The following PC variants were observed in gnomAD, a reference collection of about 807,000 sequenced individuals.
PC encodes the protein pyruvate carboxylase, mitochondrial.
PC carries 46 observed loss-of-function variants against 107.8 expected under a neutral mutation model. That is an observed-to-expected ratio of 0.43 (90% CI 0.34 to 0.55). The LOEUF (loss-of-function observed/expected upper bound fraction) is 0.55, where lower values mean the gene tolerates loss of function less well. Among genes scored for constraint, PC ranks in the 20% least tolerant of loss-of-function variants. The pLI is 0.04. For synonymous variants in PC, 662 were observed against 684.7 expected (o/e 0.97, Z 0.52); for missense variants, 1,241 against 1,643.1 (o/e 0.76, Z 4.23).
rs926210262 is a variant in PC, at chr11:66,851,073, C to G, written c.2190G>C (p.Leu730=). 2.5e-6 allele frequency: 4 copies of G among 1,613,098 alleles called. No individual in the cohort carries two copies. The highest frequency in any genetic ancestry group is 3.4e-6 in the Non-Finnish European group (4 of 1,180,026). Residue 730 remains leucine (L), a synonymous_variant, in exon 17 of 23, where the codon CTG becomes CTC. Transcript: ENST00000393960. ...LQYYMGLAEE[L]VRAGTHILCI... ...ACAGGATGTGGGTGCCAGCTCGCACCAGCTCTTCGGCCAAGCCCATGTAGT... is the reference window on the plus strand; with the variant it reads ...ACAGGATGTGGGTGCCAGCTCGCACGAGCTCTTCGGCCAAGCCCATGTAGT...
chr11:66,871,759 G>A lies in PC; in HGVS notation c.249C>T (p.Ala83=). The part of the protein sequence containing the change: ...GQMHRQKADE[A]YLIGRGLAPV... Reference sequence around the variant, plus strand: ...GGGCCAGGCCGCGGCCGATGAGATAGGCTTCATCTGCTTTCTGCCGGTGCA... The same window carrying A: ...GGGCCAGGCCGCGGCCGATGAGATAAGCTTCATCTGCTTTCTGCCGGTGCA... The change falls in exon 5 of 23, where the codon GCC becomes GCT. Residue 83 remains alanine (A), a synonymous_variant. Transcript: ENST00000393960. This position sits in a 1 kb window ranked among gnomAD's most constrained non-coding sequence, Gnocchi z 7.4. The A allele has an allele frequency of 1.3e-6, 2 of 1,598,010 alleles. No homozygotes were observed. Among genetic ancestry groups the A allele is most frequent in the Non-Finnish European group, 1.7e-6 (2 of 1,172,920 alleles).
Position 66,857,694 on chromosome 11 carries a change from G to C in PC, c.1369-4311C>G, listed in dbSNP as rs756810881. The C allele has an allele frequency of 2.0e-6, 3 of 1,535,242 alleles. No homozygotes were observed. Among genetic ancestry groups the C allele is most frequent in the South Asian group, 2.4e-5 (2 of 82,434 alleles). On this transcript the variant is annotated intron_variant, in intron 12 of 22. Transcript: ENST00000393960. The surrounding 1 kb of genome is among the most constrained non-coding windows in gnomAD (Gnocchi z 7.1). The stretch of plus-strand genomic sequence containing the variant: ...GTCCTGGGCCCAAGTGGGCACCTGC[G>C]CCAGCCCCACCTGTGCCTGGGCTGT...
At chr11:66,879,362 A>G (rs1947103835) in intron 3 of PC, among the ~76,000 whole-genome samples, 1 of 152,214 alleles carries the variant, frequency 6.6e-6, no homozygotes, top group East Asian at 1.9e-4. Flanking sequence ...TGCTTTTGCC[A>G]ATGCAGAAAC....
At chr11:66,952,740 T>C (rs907544037) in intron 2 of PC, among the ~76,000 whole-genome samples, 1 of 152,098 alleles carries the variant, frequency 6.6e-6, no homozygotes, top group Non-Finnish European at 1.5e-5. Flanking sequence ...TGGGGGTTTC[T>C]CCATGTTGGT....
chr11:66,857,426 T>C lies in PC; in HGVS notation c.1369-4043A>G. 3.2e-6 allele frequency: 1 copy of C among 308,462 alleles called. No individual in the cohort carries two copies. The highest frequency in any genetic ancestry group is 5.9e-6 in the Non-Finnish European group (1 of 168,084). 19.1% of individuals were successfully genotyped at this position (308,462 alleles called of 1,614,324 possible). On this transcript the variant is annotated intron_variant, in intron 12 of 22. Coordinates refer to ENST00000393960, the MANE Select transcript of PC (RefSeq NM_001040716.2). This position sits in a 1 kb window ranked among gnomAD's most constrained non-coding sequence, Gnocchi z 7.1. ...GAGTGGGGAGGCGGCTGGCGATTCC[T>C]GGGGACGCCTGGGAAAGGAAGTTCC...
chr11:66,889,029 G>C (rs182541431), intron 3 of PC, among the ~76,000 whole-genome samples: 1 of 152,158 alleles, frequency 6.6e-6, no homozygotes, highest in Non-Finnish European at 1.5e-5. Context: ...AGCCGAGATC[G>C]CGACACCGCA....
At chr11:66,952,870 G>A (rs1171909746) in intron 2 of PC, among the ~76,000 whole-genome samples, 2 of 152,136 alleles carry the variant, frequency 1.3e-5, no homozygotes, top group Non-Finnish European at 2.9e-5. Flanking sequence ...TTCCACTGAG[G>A]GCACCAGGAG....
intron 3 of PC, among the ~76,000 whole-genome samples, chr11:66,916,676 C>T (rs1007331029): frequency 4.0e-5 from 6 of 150,278 alleles, no homozygotes; most frequent in South Asian, 2.2e-4. Flanking sequence ...GCAGAAAGGC[C>T]GGGTGTGGTG....
chr11:66,868,755 C>A (rs183164984), intron 10 of PC, 91 bp downstream of exon 10: 116 of 946,038 alleles, frequency 1.2e-4, no homozygotes, highest in Admixed American at 1.0e-3. Flanking sequence ...AGTGAGCAAG[C>A]CCCCTGGCTG....
In PC at chr11:66,858,373, C is replaced by T. The variant is rs537084771; in HGVS notation, c.1369-4990G>A. 59 of 1,583,398 alleles carry T rather than the reference C, an allele frequency of 3.7e-5. No homozygotes were observed. Among genetic ancestry groups the T allele is most frequent in the African/African-American group, 1.1e-4 (8 of 74,434 alleles). On this transcript the variant is annotated intron_variant, in intron 12 of 22. Coordinates refer to ENST00000393960, the MANE Select transcript of PC (RefSeq NM_001040716.2). The surrounding 1 kb of genome is among the most constrained non-coding windows in gnomAD (Gnocchi z 5.9). ...TCCAACCGCCTGGCCACGCTGGCTC[C>T]GGACCCGCTTTTCTCTCGTGGGCGT...
chr11:66,853,429 C>T, intron 12 of PC, 46 bp from the exon 13 acceptor site: 1 of 1,610,144 alleles, frequency 6.2e-7, no homozygotes, highest in Non-Finnish European at 8.5e-7. Flanking sequence ...GCAGCACAGA[C>T]AGGGAAGGCA....
At chr11:66,880,449 C>T (rs554103499) in intron 3 of PC, among the ~76,000 whole-genome samples, 3 of 152,296 alleles carry the variant, frequency 2.0e-5, no homozygotes, top group East Asian at 3.9e-4. Flanking sequence ...AAGAAGGAAC[C>T]CCTGCAGCTG....
intron 3 of PC, among the ~76,000 whole-genome samples, chr11:66,908,133 T>C (rs968536319): frequency 6.6e-5 from 10 of 151,064 alleles, no homozygotes; most frequent in African/African-American, 2.4e-4. Context: ...GAAAGGGCAG[T>C]GGTGTTCGAG....
At position 66,860,268 on chromosome 11, in the gene PC, C is replaced by T. The variant is rs929420365; in HGVS notation, c.1368+3506G>A. The T allele has an allele frequency of 5.9e-6, 9 of 1,526,862 alleles. No homozygotes were observed. In the African/African-American group the frequency reaches 1.1e-4, roughly 19 times the overall value. The allele number at this position is 1,526,862 out of a possible 1,614,324, so 94.6% of individuals were successfully genotyped here. On this transcript the variant is annotated intron_variant, in intron 12 of 22. Coordinates refer to ENST00000393960, the MANE Select transcript of PC (RefSeq NM_001040716.2). ...AGAGGGCCCGGGGCCGCCGCCTGGC[C>T]TGGGAGTCCCTCCCTGGTTTTTATT...
intron 3 of PC, among the ~76,000 whole-genome samples, chr11:66,873,404 A>T (rs1207943734): frequency 1.0e-5 from 1 of 95,660 alleles, no homozygotes; most frequent in Non-Finnish European, 1.9e-5. Context: ...ATATAATATA[A>T]TATAAATATA....
At chr11:66,869,563 G>A (rs1946640517) in intron 9 of PC, among the ~76,000 whole-genome samples, 1 of 152,156 alleles carries the variant, frequency 6.6e-6, no homozygotes, top group African/African-American at 2.4e-5. Context: ...AATAGTATAA[G>A]CCAGTAAATA....
In PC at chr11:66,922,549, G is replaced by C. The variant is rs1050005795; in HGVS notation, c.-1+29881C>G. 1.4e-4 allele frequency among the ~76,000 whole-genome samples: 13 copies of C among 92,448 alleles called. No homozygotes were observed. In the Admixed American group the frequency reaches 1.8e-3, roughly 13 times the overall value. 60.6% of individuals were successfully genotyped at this position (92,448 alleles called of 152,430 possible). A position where few individuals can be genotyped will look rare whatever the true frequency, so the allele number is the denominator to read the frequency against. On this transcript the variant is annotated intron_variant, in intron 3 of 22. Coordinates refer to ENST00000393960, the MANE Select transcript of PC (RefSeq NM_001040716.2). ...GCCGAGATCGAAAGAGCAAGACTTT[G>C]TCTTAAAAAAAAAAAAAAAAAAAAA...
At chr11:66,906,303 C>G (rs994429657) in intron 3 of PC, among the ~76,000 whole-genome samples, 2 of 152,174 alleles carry the variant, frequency 1.3e-5, no homozygotes, top group Non-Finnish European at 2.9e-5. Flanking sequence ...GAACAGGTCC[C>G]TGTCCTCATG....
intron 12 of PC, among the ~76,000 whole-genome samples, chr11:66,855,944 C>A (rs1306046062): frequency 1.3e-5 from 2 of 152,238 alleles, no homozygotes; most frequent in Admixed American, 6.5e-5. Flanking sequence ...CCACCTGGCC[C>A]ATGGGGATCA....
Sources: allele counts gnomAD v4.1 joint callset (sites outside exome capture counted in the v4.1 genomes callset), GRCh38; gene constraint gnomAD v4.1.1; non-coding constraint Gnocchi (gnomAD v3.1); transcripts MANE v1.5; gene names NCBI Gene and HGNC (gene_info 2026-07-23, HGNC 2026-07-21).